The following SYT1 variants were observed in gnomAD, a reference collection of about 807,000 sequenced individuals.
SYT1 encodes synaptotagmin-1.
Under a neutral mutation model 44.8 loss-of-function variants are expected in SYT1, and 8 were observed. The ratio of observed to expected loss-of-function variants is 0.18; its 90% confidence interval spans 0.10 to 0.32. The LOEUF (loss-of-function observed/expected upper bound fraction) is 0.32. Among genes scored for constraint, SYT1 ranks in the 10% least tolerant of loss-of-function variants. The probability of loss-of-function intolerance (pLI) is 1.00; values close to 1 mark genes in which losing one functional copy is unlikely to be tolerated. For missense variants in SYT1, 286 were observed against 509.3 expected (o/e 0.56, Z 4.22); for synonymous variants, 154 against 188.8 (o/e 0.82, Z 1.51).
At chr12:78,925,917 A>G (rs1877278521) in intron 1 of SYT1, among the ~76,000 whole-genome samples, 1 of 152,042 alleles carries the variant, frequency 6.6e-6, no homozygotes, top group Non-Finnish European at 1.5e-5. Context: ...ATCACGAAAC[A>G]AACTATTGTG....
intron 10 of SYT1, among the ~76,000 whole-genome samples, chr12:79,448,527 C>T (rs1466102456): frequency 1.3e-5 from 2 of 152,124 alleles, no homozygotes; most frequent in African/African-American, 4.8e-5. Flanking sequence ...ACAACTGAAG[C>T]AAATGAATTT....
rs141645652 is a variant in SYT1 at position 78,867,976 on chromosome 12, C to T, written c.-217+2867C>T. On this transcript the variant is annotated intron_variant, in intron 1 of 10. Transcript: ENST00000261205. ...TTTGAACTTCCTGTTAGCCTAATAA[C>T]ACCATTAACATAATATCAGTTCATC... Among the ~76,000 whole-genome samples the T allele has an allele frequency of 1.8e-4, 28 of 151,970 alleles. No homozygotes were observed. The East Asian group carries it at 3.5e-3, about 19-fold the overall frequency.
chr12:79,010,666 C>T (rs963669201), intron 2 of SYT1, among the ~76,000 whole-genome samples: 3 of 152,142 alleles, frequency 2.0e-5, no homozygotes, highest in African/African-American at 7.2e-5. Context: ...TTTTGATTCT[C>T]ACTGATTATG....
chr12:79,337,630 A>G (rs1218573954), intron 8 of SYT1, among the ~76,000 whole-genome samples: 1 of 151,890 alleles, frequency 6.6e-6, no homozygotes, highest in African/African-American at 2.4e-5. Flanking sequence ...TCAGATACAT[A>G]TCTCTGCCAC....
chr12:79,430,077 C>T (rs966654188), intron 9 of SYT1, among the ~76,000 whole-genome samples: 3 of 152,092 alleles, frequency 2.0e-5, no homozygotes, highest in Non-Finnish European at 2.9e-5. Flanking sequence ...TACCACTATC[C>T]AAATATCACT....
At position 78,933,633 on chromosome 12, in the gene SYT1, A is replaced by G. The variant is rs187076378; in HGVS notation, c.-216-44166A>G. Among the ~76,000 whole-genome samples, 149 of 152,216 alleles carry G rather than the reference A, an allele frequency of 9.8e-4. 1 individual carries two copies. The highest frequency in any genetic ancestry group is 3.4e-3 in the African/African-American group (141 of 41,550). On this transcript the variant is annotated intron_variant, in intron 1 of 10. Transcript: ENST00000261205. ...TATTAATAACCATCTCATTTAAAAG[A>G]TAGAGATATATGTCAGGTGCACTCA... is the stretch of plus-strand genomic sequence containing the variant.
At chr12:79,267,384 AGGTTAACAAAAT>A (rs1191183189) in intron 4 of SYT1, among the ~76,000 whole-genome samples, 1 of 152,186 alleles carries the variant, frequency 6.6e-6, no homozygotes, top group African/African-American at 2.4e-5. Flanking sequence ...GTTGGAAAAC[AGGTTAACAAAAT>A]TGTTAACCAA....
chr12:78,882,369 A>T (rs1257382989), intron 1 of SYT1, among the ~76,000 whole-genome samples: 3 of 151,724 alleles, frequency 2.0e-5, no homozygotes. Context: ...CAGTGATTGG[A>T]TCCAATCTGA....
At chr12:79,383,586 A>C (rs902114993) in intron 9 of SYT1, among the ~76,000 whole-genome samples, 1 of 152,306 alleles carries the variant, frequency 6.6e-6, no homozygotes, top group East Asian at 1.9e-4. Context: ...ACTACCCTTT[A>C]TGTCCATTTT....
chr12:79,428,306 C>CA (rs1284906660), intron 9 of SYT1, among the ~76,000 whole-genome samples: 1 of 152,150 alleles, frequency 6.6e-6, no homozygotes, highest in Admixed American at 6.5e-5. Context: ...GCTACACTCT[C>CA]AAAGGGTGGA....
At chr12:79,063,560 C>A (rs1013300555) in intron 3 of SYT1, among the ~76,000 whole-genome samples, 3 of 152,028 alleles carry the variant, frequency 2.0e-5, no homozygotes, top group African/African-American at 7.2e-5. Context: ...TTCATTTACA[C>A]ATAAGTGGAG....
chr12:79,275,997 A>C (rs1592922115), intron 4 of SYT1, among the ~76,000 whole-genome samples: 2 of 152,296 alleles, frequency 1.3e-5, no homozygotes, highest in Admixed American at 1.3e-4. Context: ...TTGACATGGA[A>C]AGCACCCAGA....
intron 9 of SYT1, among the ~76,000 whole-genome samples, chr12:79,415,351 C>T (rs1256335228): frequency 6.6e-6 from 1 of 152,066 alleles, no homozygotes; most frequent in African/African-American, 2.4e-5. Context: ...AGTGATAGCA[C>T]CATAATGCTG....
chr12:79,363,845 C>T (rs1883425488), intron 9 of SYT1, among the ~76,000 whole-genome samples: 1 of 151,702 alleles, frequency 6.6e-6, no homozygotes, highest in Non-Finnish European at 1.5e-5. Flanking sequence ...ATAAAAATAT[C>T]ATTCTTGTTC....
Position 79,038,095 on chromosome 12 carries a change from A to G in SYT1, c.-83-9202A>G, listed in dbSNP as rs1403988283. The stretch of plus-strand genomic sequence containing the variant: ...AGGTTCTCATATGCCCTCTACCTTG[A>G]CTCACTAATTATTTACCTTTTGTCA... On this transcript the variant is annotated intron_variant, in intron 2 of 10. Transcript: ENST00000261205. Among the ~76,000 whole-genome samples, 30 of 149,964 alleles carry G rather than the reference A, an allele frequency of 2.0e-4. No homozygotes were observed. The Admixed American group carries it at 2.0e-3, about 10-fold the overall frequency.
intron 9 of SYT1, among the ~76,000 whole-genome samples, chr12:79,384,600 A>C (rs2136079563): frequency 6.6e-6 from 1 of 152,330 alleles, no homozygotes; most frequent in Admixed American, 6.5e-5. Flanking sequence ...ATAGACACAA[A>C]GTTATGGCAC....
chr12:79,414,707 T>C (rs908493515), intron 9 of SYT1, among the ~76,000 whole-genome samples: 3 of 152,096 alleles, frequency 2.0e-5, no homozygotes, highest in Non-Finnish European at 4.4e-5. Flanking sequence ...ACAATTAATA[T>C]AAATAAAGGG....
chr12:79,446,436 T>C (rs775800999), intron 10 of SYT1, among the ~76,000 whole-genome samples: 30 of 152,132 alleles, frequency 2.0e-4, no homozygotes, highest in Admixed American at 4.6e-4. Context: ...TCCAATAATA[T>C]GATAGCCACA....
chr12:78,903,206 A>G (rs1184867470), intron 1 of SYT1, among the ~76,000 whole-genome samples: 1 of 151,682 alleles, frequency 6.6e-6, no homozygotes, highest in East Asian at 1.9e-4. Context: ...TCTTAAAAAG[A>G]GTTTTGTGTT....
Sources: gnomAD v4.1 joint callset for allele counts (sites outside exome capture counted in the v4.1 genomes callset) on GRCh38, gnomAD v4.1.1 for gene constraint, MANE v1.5 for transcripts, NCBI Gene and HGNC (gene_info 2026-07-23, HGNC 2026-07-21) for gene names.